Variants in LRRK2 observed in about 807,000 individuals in gnomAD.
LRRK2 encodes the protein leucine-rich repeat serine/threonine-protein kinase 2.
Under a neutral mutation model 302.6 loss-of-function variants are expected in LRRK2, and 203 were observed. The ratio of observed to expected loss-of-function variants is 0.67; its 90% CI spans 0.60 to 0.75. The LOEUF (loss-of-function observed/expected upper bound fraction) is 0.75. Ranked by LOEUF, LRRK2 falls within the 30% of genes least tolerant of loss-of-function variation. The pLI, the probability that LRRK2 is intolerant of heterozygous loss-of-function variation, is 0.00. For missense variants in LRRK2, 2,830 were observed against 2,951.0 expected, an observed-to-expected ratio of 0.96 and a Z score of 0.95; for synonymous variants, 1,066 against 1,031.9, an observed-to-expected ratio of 1.03 and a Z score of -0.63.
Position 40,328,436 on chromosome 12 carries a change from T to C in LRRK2, c.5733T>C (p.His1911=). The C allele has an allele frequency of 6.2e-7, 1 of 1,612,710 alleles. No homozygotes were observed. The highest frequency in any genetic ancestry group is 1.3e-5 in the African/African-American group (1 of 75,026). Residue 1911 remains histidine (H), a synonymous_variant, in exon 39 of 51, where the codon CAT becomes CAC. Coordinates refer to ENST00000298910, the MANE Select transcript of LRRK2 (RefSeq NM_198578.4). The part of the protein sequence containing the change: ...EEVAVKIFNK[H]TSLRLLRQEL... ...TGGCTGTGAAGATTTTTAATAAACA[T>C]ACATCACTCAGGCTGTTAAGACAAG...
At position 40,319,859 on chromosome 12, in the gene LRRK2, C is replaced by T. The variant is rs985722285; in HGVS notation, c.4828-129C>T. ...ACATGGTTGCTAGAGAAATTAGGTA[C>T]TGTGTTGCACTTGAAAACACTAAAA... On this transcript the variant is annotated intron_variant, in intron 33 of 50. Coordinates refer to ENST00000298910, the MANE Select transcript of LRRK2 (RefSeq NM_198578.4). 1.9e-5 allele frequency: 15 copies of T among 772,236 alleles called. No homozygotes were observed. The African/African-American group carries it at 2.5e-4, about 13-fold the overall frequency. 47.8% of individuals were successfully genotyped at this position (772,236 alleles called of 1,614,324 possible).
intron 14 of LRRK2, among the ~76,000 whole-genome samples, chr12:40,269,014 G>A (rs1379367212): frequency 6.6e-6 from 1 of 152,120 alleles, no homozygotes; most frequent in African/African-American, 2.4e-5. Flanking sequence ...AGTCTATAAT[G>A]AAATTGGTAT....
intron 43 of LRRK2, among the ~76,000 whole-genome samples, chr12:40,349,794 G>C (rs1481950440): frequency 6.6e-6 from 1 of 152,218 alleles, no homozygotes; most frequent in Non-Finnish European, 1.5e-5. Flanking sequence ...ATGAGCAACT[G>C]CACCTGGCCA....
intron 40 of LRRK2, 55 bp downstream of exon 40, chr12:40,335,212 GC>G: frequency 6.3e-7 from 1 of 1,587,974 alleles, no homozygotes; most frequent in Non-Finnish European, 8.6e-7. Context: ...ATCCAGACTT[GC>G]TCTCAGGTTC....
Position 40,354,404 on chromosome 12 carries a change from A to C in LRRK2, c.6682A>C (p.Asn2228His). ...ACAGTCTGGTACTCTCCTGGTCATCAATACCGAAGATGGGAAAAAGAGACA... is the reference window on the plus strand; with the variant it reads ...ACAGTCTGGTACTCTCCTGGTCATCCATACCGAAGATGGGAAAAAGAGACA... ...GTQSGTLLVI[N>H]TEDGKKRHTL... is the part of the protein sequence containing the mutation. Residue 2228 changes from asparagine (N) to histidine (H), a missense_variant, in exon 45 of 51, where the codon AAT becomes CAT. This residue lies in a region of LRRK2 where 456 missense variants were observed against 456.3 expected (regional missense o/e 1.00). Coordinates refer to ENST00000298910, the MANE Select transcript of LRRK2 (RefSeq NM_198578.4). 6.2e-7 allele frequency: 1 copy of C among 1,614,112 alleles called. No homozygotes were observed. Among genetic ancestry groups the C allele is most frequent in the African/African-American group, 1.3e-5 (1 of 75,052 alleles).
In LRRK2 at chr12:40,322,393, A is replaced by T; in HGVS notation, c.5392A>T (p.Ile1798Phe). Residue 1798 changes from isoleucine (I) to phenylalanine (F), a missense_variant, in exon 37 of 51, where the codon ATT becomes TTT. Around this residue, in one of 3 missense-constraint regions of LRRK2, gnomAD observed 2,121 missense variants for 2,148.0 expected, o/e 0.99. Transcript: ENST00000298910. ...MEEWFPGLLE[I>F]DICGEGETLL... ...AGAATGGTTTCCTGGGTTGCTGGAG[A>T]TTGATATTTGTGGTGAAGGAGAAAC... 1 of 1,613,538 alleles carries T rather than the reference A, an allele frequency of 6.2e-7. No individual in the cohort carries two copies. The highest frequency in any genetic ancestry group is 8.5e-7 in the Non-Finnish European group (1 of 1,179,646).
At chr12:40,312,671 A>G (rs776283856) in intron 31 of LRRK2, 2 of 152,092 alleles carry the variant, frequency 1.3e-5, no homozygotes, top group Non-Finnish European at 2.9e-5. Flanking sequence ...ACAGAGTTCA[A>G]TGCTGACAAT....
At chr12:40,253,082 G>A (rs1019686078) in intron 11 of LRRK2, 66 bp downstream of exon 11, 2 of 1,018,788 alleles carry the variant, frequency 2.0e-6, no homozygotes, top group Non-Finnish European at 1.5e-6. Flanking sequence ...AATTATAGAA[G>A]CTATATACTG....
intron 19 of LRRK2, among the ~76,000 whole-genome samples, chr12:40,284,416 C>T (rs1333103048): frequency 6.7e-6 from 1 of 150,084 alleles, no homozygotes. Flanking sequence ...TAAGATATCC[C>T]TGTTTTTAAA....
Position 40,304,088 on chromosome 12 carries a change from G to C in LRRK2, c.3731G>C (p.Trp1244Ser), listed in dbSNP as rs1345495909. Reference sequence around the variant, plus strand: ...GACTTGAGTGAAAAAGCATATTTATGGTCTAGAGTAGAGAAACTGCATCTT... The same window carrying C: ...GACTTGAGTGAAAAAGCATATTTATCGTCTAGAGTAGAGAAACTGCATCTT... ...ILDLSEKAYL[W>S]SRVEKLHLSH... The change falls in exon 27 of 51, where the codon TGG becomes TCG. Residue 1244 changes from tryptophan (W) to serine (S), a missense_variant. Trp to Ser is a radical substitution (Grantham distance 177). This residue lies in a region of LRRK2 where 2,121 missense variants were observed against 2,148.0 expected (regional missense o/e 0.99). Coordinates refer to ENST00000298910, the MANE Select transcript of LRRK2 (RefSeq NM_198578.4). The C allele has an allele frequency of 6.2e-7, 1 of 1,613,250 alleles. No homozygotes were observed. Among genetic ancestry groups the C allele is most frequent in the Non-Finnish European group, 8.5e-7 (1 of 1,179,642 alleles).
rs763659006 is a variant in LRRK2 at position 40,321,159 on chromosome 12, A to G, written c.5141A>G (p.Glu1714Gly). 1.9e-5 allele frequency: 31 copies of G among 1,612,354 alleles called. No individual in the cohort carries two copies. ...FWSRLINRLL[E>G]ISPYMLSGRE... ...TCAAGATTAATCAATCGATTACTTGAGATTTCACCTTACATGCTTTCAGGG... is the reference window on the plus strand; with the variant it reads ...TCAAGATTAATCAATCGATTACTTGGGATTTCACCTTACATGCTTTCAGGG... The change falls in exon 35 of 51, where the codon GAG becomes GGG. Residue 1714 changes from glutamate (E) to glycine (G), a missense_variant. Physicochemically the swap from Glu to Gly is moderately conservative, Grantham distance 98 (BLOSUM62 -2). Transcript: ENST00000298910.
intron 4 of LRRK2, 75 bp downstream of exon 4, chr12:40,235,789 G>A: frequency 1.8e-6 from 1 of 560,666 alleles, no homozygotes; most frequent in Non-Finnish European, 2.9e-6. Context: ...ATGTGTGTGT[G>A]TGTGTTTTTT....
chr12:40,315,204 T>C lies in LRRK2; in HGVS notation c.4739-8T>C, dbSNP rs992806195. ...CATGTTTCACTGTTTGATGACTTTT[T>C]ACTACAGGAGTCCTTCTTCATTTTC... is the stretch of plus-strand genomic sequence containing the variant. On this transcript the variant is annotated splice_polypyrimidine_tract_variant and splice_region_variant and intron_variant, in intron 32 of 50. Coordinates refer to ENST00000298910, the MANE Select transcript of LRRK2 (RefSeq NM_198578.4). The C allele has an allele frequency of 5.6e-6, 9 of 1,608,546 alleles. No homozygotes were observed. Among genetic ancestry groups the C allele is most frequent in the South Asian group, 1.1e-5 (1 of 91,008 alleles).
intron 18 of LRRK2, among the ~76,000 whole-genome samples, chr12:40,279,517 G>A (rs1184235047): frequency 6.6e-6 from 1 of 152,048 alleles, no homozygotes; most frequent in African/African-American, 2.4e-5. Flanking sequence ...CATTTTTACT[G>A]TGCATCTTTT....
intron 44 of LRRK2, among the ~76,000 whole-genome samples, chr12:40,352,545 G>T (rs1243380480): frequency 6.8e-6 from 1 of 148,074 alleles, no homozygotes; most frequent in Non-Finnish European, 1.5e-5. Flanking sequence ...AATAATGGAG[G>T]GAAGGTCAGC....
chr12:40,323,080 A>AT, intron 37 of LRRK2, 80 bp from the exon 38 acceptor site: 2 of 1,183,328 alleles, frequency 1.7e-6, no homozygotes, highest in Non-Finnish European at 2.5e-6. Flanking sequence ...ATATTCCATT[A>AT]TTTTTTCACA....
chr12:40,328,584 A>G (rs2136916527), intron 39 of LRRK2, 124 bp downstream of exon 39: 2 of 724,106 alleles, frequency 2.8e-6, no homozygotes, highest in East Asian at 2.8e-5. Flanking sequence ...TTAATTATGC[A>G]ATCCTAGTTT....
intron 48 of LRRK2, among the ~76,000 whole-genome samples, chr12:40,364,576 G>C (rs1431014363): frequency 2.0e-5 from 3 of 151,324 alleles, no homozygotes; most frequent in Admixed American, 2.0e-4. Flanking sequence ...GATAGCTTTG[G>C]TATTTATAAA....
intron 25 of LRRK2, among the ~76,000 whole-genome samples, chr12:40,302,095 T>A (rs1331429179): frequency 6.6e-6 from 1 of 152,112 alleles, no homozygotes; most frequent in East Asian, 1.9e-4. Flanking sequence ...GGAGAATCTC[T>A]TGAACCTGGG....
Sources: allele counts gnomAD v4.1 joint callset (sites outside exome capture counted in the v4.1 genomes callset), GRCh38; gene constraint gnomAD v4.1.1; regional missense constraint gnomAD v4.1.1; transcripts MANE v1.5; gene names NCBI Gene and HGNC (gene_info 2026-07-23, HGNC 2026-07-21).